The following SCN1B variants were observed in gnomAD, a reference collection of about 807,000 sequenced individuals.
SCN1B encodes sodium voltage-gated channel beta subunit 1, also known as sodium channel regulatory subunit beta-1.
Under a neutral mutation model 25.7 loss-of-function variants are expected in SCN1B, and 11 were observed. The observed-to-expected ratio is 0.43, with a 90% CI of 0.27 to 0.71. The LOEUF is 0.71. SCN1B is among the 30% of genes least tolerant of loss of function. SCN1B has a pLI of 0.21. For missense variants in SCN1B, 224 were observed against 291.5 expected, an observed-to-expected ratio of 0.77 and a Z score of 1.69; for synonymous variants, 119 against 117.5, an observed-to-expected ratio of 1.01 and a Z score of -0.08.
intron 3 of SCN1B, chr19:35,036,227 G>C (rs550771225): frequency 4.6e-5 from 7 of 151,924 alleles, no homozygotes; most frequent in African/African-American, 1.7e-4. Context: ...CCACCATGGC[G>C]GGTATTTTTA....
chr19:35,033,959 A>G, intron 3 of SCN1B: 4 of 1,552,940 alleles, frequency 2.6e-6, no homozygotes, highest in Non-Finnish European at 2.6e-6. Context: ...CCTGTCCCCC[A>G]CAGACGCTCC....
rs1010362065 is a variant in SCN1B, at chr19:35,033,396, T to C, written c.208-103T>C. ...GTCAAGGTGTCTGAGCCCATCTGTGTGCCATCTGTGTTTGTGGGTGTCAGG... is the reference window on the plus strand; with the variant it reads ...GTCAAGGTGTCTGAGCCCATCTGTGCGCCATCTGTGTTTGTGGGTGTCAGG... On this transcript the variant is annotated intron_variant, in intron 2 of 5. Transcript: ENST00000262631. 6 of 1,584,414 alleles carry C rather than the reference T, an allele frequency of 3.8e-6. No homozygotes were observed. The African/African-American group carries it at 8.1e-5, about 21-fold the overall frequency.
chr19:35,033,101 A>G (rs1417080794), intron 2 of SCN1B, among the ~76,000 whole-genome samples: 1 of 152,086 alleles, frequency 6.6e-6, no homozygotes, highest in Non-Finnish European at 1.5e-5. Context: ...TGCATTATAT[A>G]TCGGTGAGGG....
At chr19:35,038,956 C>A (rs980571382) in intron 3 of SCN1B, 161 bp from the exon 4 acceptor site, 3 of 826,816 alleles carry the variant, frequency 3.6e-6, no homozygotes, top group Admixed American at 3.7e-5. Flanking sequence ...TTGAGGGTGA[C>A]CCCCACCAGG....
At chr19:35,034,145 A>C (rs2064234116) in intron 3 of SCN1B, 1 of 1,550,732 alleles carries the variant, frequency 6.4e-7, no homozygotes, top group African/African-American at 1.4e-5. Flanking sequence ...AGCTGCAGGC[A>C]CACGCCTGGC....
chr19:35,030,876 G>T lies in SCN1B; in HGVS notation c.40+16G>T. 1 of 641,684 alleles carries T rather than the reference G, an allele frequency of 1.6e-6. No homozygotes were observed. Among genetic ancestry groups the T allele is most frequent in the Non-Finnish European group, 2.0e-6 (1 of 489,714 alleles). The allele number at this position is 641,684 out of a possible 1,614,324, so 39.7% of individuals were successfully genotyped here. A position where few individuals can be genotyped will look rare whatever the true frequency, so the allele number is the denominator to read the frequency against. ...GCGGCACTGGGTGAGTGCGCGGGGG[G>T]CGCGCGCGGCCGGGGGGCACCGCGG... is the stretch of plus-strand genomic sequence containing the variant. On this transcript the variant is annotated intron_variant, in intron 1 of 5. Coordinates refer to ENST00000262631, the MANE Select transcript of SCN1B (RefSeq NM_001037.5).
chr19:35,034,241 G>A (rs2064234772), intron 3 of SCN1B: 1 of 1,421,520 alleles, frequency 7.0e-7, no homozygotes, highest in Non-Finnish European at 9.4e-7. Context: ...GTGGTGATGA[G>A]GCAAGAGAGC....
At chr19:35,034,192 G>A (rs572726115) in intron 3 of SCN1B, 55 of 1,536,998 alleles carry the variant, frequency 3.6e-5, no homozygotes, top group African/African-American at 3.4e-4. Context: ...CGAGGGTGGC[G>A]GTTCTTACTG....
chr19:35,039,969 TC>T lies in SCN1B; in HGVS notation c.*180del. ...CTTGGCTCGCACCCCCACTTTCGCC[TC>T]CTCCAGCTCCTGCCCCGCCGGCCGC... On this transcript the variant is annotated 3_prime_UTR_variant, in exon 6 of 6. Transcript: ENST00000262631. The T allele has an allele frequency of 1.9e-6, 1 of 540,342 alleles. No homozygotes were observed. Among genetic ancestry groups the T allele is most frequent in the Non-Finnish European group, 3.3e-6 (1 of 299,072 alleles). 33.5% of individuals were successfully genotyped at this position (540,342 alleles called of 1,614,324 possible).
chr19:35,033,956 C>T lies in SCN1B; in HGVS notation c.448+217C>T, dbSNP rs1085307597. The T allele has an allele frequency of 6.4e-7, 1 of 1,553,180 alleles. No individual in the cohort carries two copies. Among genetic ancestry groups the T allele is most frequent in the Non-Finnish European group, 8.7e-7 (1 of 1,147,654 alleles). On this transcript the variant is annotated intron_variant, in intron 3 of 5. Transcript: ENST00000262631. Reference sequence around the variant, plus strand: ...CGGAGAGGTCAAAGCATGCCTGTCCCCCACAGACGCTCCGGGTACAGAACC... The same window carrying T: ...CGGAGAGGTCAAAGCATGCCTGTCCTCCACAGACGCTCCGGGTACAGAACC...
rs774152936 is a variant in SCN1B at position 35,032,653 on chromosome 19, G to A, written c.166G>A (p.Glu56Lys). ...RSETNAETFT[E>K]WTFRQKGTEE... ...CGAGACCAACGCTGAGACCTTCACC[G>A]AGTGGACCTTCCGCCAGAAGGGCAC... Residue 56 changes from glutamate (E) to lysine (K), a missense_variant, in exon 2 of 6, where the codon GAG (glutamate) becomes AAG (lysine). Physicochemically the swap from Glu to Lys is moderately conservative, Grantham distance 56. This residue lies in a region of SCN1B where 126 missense variants were observed against 204.9 expected (regional missense o/e 0.61). Coordinates refer to ENST00000262631, the MANE Select transcript of SCN1B (RefSeq NM_001037.5). The surrounding 1 kb of genome is among the most constrained non-coding windows in gnomAD (Gnocchi z 4.3). The A allele has an allele frequency of 8.7e-6, 14 of 1,613,982 alleles. No individual in the cohort carries two copies. The highest frequency in any genetic ancestry group is 4.5e-5 in the East Asian group (2 of 44,906).
rs181577717 is a variant in SCN1B at position 35,034,521 on chromosome 19, C to T, written c.448+782C>T. The T allele has an allele frequency of 2.8e-3, 592 of 215,226 alleles. 1 individual carries two copies. The highest frequency in any genetic ancestry group is 4.3e-3 in the Non-Finnish European group (457 of 105,972). The allele number at this position is 215,226 out of a possible 1,614,324, so 13.3% of individuals were successfully genotyped here. On this transcript the variant is annotated intron_variant, in intron 3 of 5. Transcript: ENST00000262631. ...CCCCTTCTCTGATCCATCTTCTGCT[C>T]AGCATCAATTGCAATTGTCCAGCGC...
At chr19:35,035,382 C>T (rs1307527725) in intron 3 of SCN1B, 1 of 151,952 alleles carries the variant, frequency 6.6e-6, no homozygotes, top group African/African-American at 2.4e-5. Flanking sequence ...CTCTGCCTCC[C>T]AGGTTCAAGT....
In SCN1B at chr19:35,033,742, G is replaced by T; in HGVS notation, c.448+3G>T. The stretch of plus-strand genomic sequence containing the variant: ...CCACATTGAGGTAGTGGACAAAGGT[G>T]AGTCGGGTGCTGCCTGCCCCTTTAC... On this transcript the variant is annotated splice_donor_region_variant and intron_variant, in intron 3 of 5. Coordinates refer to ENST00000262631, the MANE Select transcript of SCN1B (RefSeq NM_001037.5). 6.2e-7 allele frequency: 1 copy of T among 1,614,152 alleles called. No individual in the cohort carries two copies. Among genetic ancestry groups the T allele is most frequent in the Non-Finnish European group, 8.5e-7 (1 of 1,180,030 alleles).
Position 35,032,712 on chromosome 19 carries a change from A to G in SCN1B, c.207+18A>G. 1 of 1,612,878 alleles carries G rather than the reference A, an allele frequency of 6.2e-7. No individual in the cohort carries two copies. The highest frequency in any genetic ancestry group is 1.1e-5 in the South Asian group (1 of 91,078). Reference sequence around the variant, plus strand: ...TTGTCAAGGTGTGCGGGTGCCGGGAACGGGCATGGGAGGGCAGGGGTCCAC... The same window carrying G: ...TTGTCAAGGTGTGCGGGTGCCGGGAGCGGGCATGGGAGGGCAGGGGTCCAC... On this transcript the variant is annotated intron_variant, in intron 2 of 5. Transcript: ENST00000262631. This position sits in a 1 kb window ranked among gnomAD's most constrained non-coding sequence, Gnocchi z 4.3.
rs554201948 is a variant in SCN1B, at chr19:35,039,258, C to A, written c.590C>A (p.Ala197Asp). ...ACGGAGACTGCTGCACAGGAGAATG[C>A]GTGAGTAGGGTGGCTGGGAGGTGGG... is the stretch of plus-strand genomic sequence containing the variant. The part of the protein sequence containing the change: ...AATETAAQEN[A>D]SEYLAITSES... The change falls in exon 4 of 6, where the codon GCC (alanine) becomes GAC (aspartate). Residue 197 changes from alanine to aspartate, a missense_variant and splice_region_variant. By Grantham distance (126) the Ala-to-Asp change is moderately radical. This residue lies in a region of SCN1B where 52 missense variants were observed against 50.8 expected (regional missense o/e 1.02). Transcript: ENST00000262631. The A allele has an allele frequency of 1.2e-6, 2 of 1,612,736 alleles. No individual in the cohort carries two copies. The highest frequency in any genetic ancestry group is 1.7e-6 in the Non-Finnish European group (2 of 1,180,002).
At chr19:35,037,783 CAA>C (rs1171116568) in intron 3 of SCN1B, 29 of 98,872 alleles carry the variant, frequency 2.9e-4, no homozygotes, top group Admixed American at 4.4e-4. Context: ...TCATCTCTAC[CAA>C]AAAAAAAAAA....
chr19:35,031,049 T>G (rs1400009740), intron 1 of SCN1B, among the ~76,000 whole-genome samples, 189 bp downstream of exon 1: 9 of 148,658 alleles, frequency 6.1e-5, no homozygotes, highest in Admixed American at 1.3e-4. Flanking sequence ...GAGGTGAGGG[T>G]GGGCTCCAGC....
chr19:35,031,935 G>A (rs1356123007), intron 1 of SCN1B, among the ~76,000 whole-genome samples: 1 of 152,132 alleles, frequency 6.6e-6, no homozygotes, highest in Non-Finnish European at 1.5e-5. Context: ...GATGGAGGCA[G>A]GAGAGGCCGG....
Sources: allele counts gnomAD v4.1 joint callset (sites outside exome capture counted in the v4.1 genomes callset), GRCh38; gene constraint gnomAD v4.1.1; regional missense constraint gnomAD v4.1.1; non-coding constraint Gnocchi (gnomAD v3.1); transcripts MANE v1.5; gene names NCBI Gene and HGNC (gene_info 2026-07-23, HGNC 2026-07-21).